Variants in COBLL1 observed in about 807,000 individuals in gnomAD.
The protein encoded by COBLL1 is cordon-bleu protein-like 1.
COBLL1 carries 50 observed loss-of-function variants against 94.8 expected under a neutral mutation model. The observed-to-expected ratio is 0.53, with a 90% CI of 0.42 to 0.67. The LOEUF (loss-of-function observed/expected upper bound fraction) is 0.67, where lower values mean the gene tolerates loss of function less well. Ranked by LOEUF, COBLL1 falls within the 30% of genes least tolerant of loss-of-function variation. The pLI, the probability that COBLL1 is intolerant of heterozygous loss-of-function variation, is 0.00. For missense variants in COBLL1, 1,362 were observed against 1,348.7 expected (o/e 1.01, Z -0.15); for synonymous variants, 448 against 473.8 (o/e 0.95, Z 0.71).
chr2:164,742,349 TTTTTC>T (rs1011539153), intron 3 of COBLL1, among the ~76,000 whole-genome samples: 26 of 152,092 alleles, frequency 1.7e-4, no homozygotes, highest in African/African-American at 5.8e-4. Context: ...GTTGACTTTT[TTTTTC>T]TTATTTTGAA....
chr2:164,672,428 G>T (rs1691255379), intron 1 of COBLL1, among the ~76,000 whole-genome samples: 1 of 152,146 alleles, frequency 6.6e-6, no homozygotes, highest in Admixed American at 6.5e-5. Flanking sequence ...GCCGGGCGCG[G>T]TGGCTCACGC....
At chr2:164,719,777 T>C (rs1185035314) in intron 7 of COBLL1, among the ~76,000 whole-genome samples, 1 of 152,114 alleles carries the variant, frequency 6.6e-6, no homozygotes, top group Non-Finnish European at 1.5e-5. Context: ...AGACATACCT[T>C]TTGCAAGGAA....
intron 3 of COBLL1, among the ~76,000 whole-genome samples, chr2:164,734,363 T>C (rs1256876917): frequency 6.6e-6 from 1 of 152,128 alleles, no homozygotes; most frequent in African/African-American, 2.4e-5. Flanking sequence ...CTCTAAGTGT[T>C]TAAAGAAAAA....
intron 2 of COBLL1, among the ~76,000 whole-genome samples, chr2:164,819,281 T>C (rs1685041651): frequency 6.6e-6 from 1 of 152,126 alleles, no homozygotes; most frequent in Non-Finnish European, 1.5e-5. Flanking sequence ...TCGTAAAGCA[T>C]CAATAACTTT....
chr2:164,830,614 C>A (rs1300246796), intron 2 of COBLL1, among the ~76,000 whole-genome samples: 1 of 152,106 alleles, frequency 6.6e-6, no homozygotes, highest in Non-Finnish European at 1.5e-5. Context: ...CTAGATTTCA[C>A]AAGAATACGA....
At chr2:164,735,867 A>G (rs754669060) in intron 3 of COBLL1, among the ~76,000 whole-genome samples, 1 of 152,210 alleles carries the variant, frequency 6.6e-6, no homozygotes, top group Non-Finnish European at 1.5e-5. Context: ...TGAGCAGTCC[A>G]TCTAAAACCT....
chr2:164,715,990 G>T (rs899740834), intron 7 of COBLL1, among the ~76,000 whole-genome samples: 1 of 152,242 alleles, frequency 6.6e-6, no homozygotes, highest in African/African-American at 2.4e-5. Flanking sequence ...TGAATTCTAT[G>T]GGTCAAGATT....
At position 164,680,972 on chromosome 2, in the gene COBLL1, A is replaced by T. The variant is rs534473161; in HGVS notation, c.*4974T>A. On this transcript the variant is annotated 3_prime_UTR_variant, in exon 14 of 14. Transcript: ENST00000652658. ...TTTTGCACTACGACTAAGAAAAAAA[A>T]TATTTAGAATTGCTTTTAACTGGTT... is the stretch of plus-strand genomic sequence containing the variant. 1 of 152,174 alleles carries T rather than the reference A, an allele frequency of 6.6e-6. No homozygotes were observed. The highest frequency in any genetic ancestry group is 2.4e-5 in the African/African-American group (1 of 41,438). The allele number at this position is 152,174 out of a possible 1,614,324, so 9.4% of individuals were successfully genotyped here. A position where few individuals can be genotyped will look rare whatever the true frequency, so the allele number is the denominator to read the frequency against.
intron 2 of COBLL1, among the ~76,000 whole-genome samples, chr2:164,781,568 T>C (rs542307697): frequency 1.2e-3 from 178 of 152,304 alleles, no homozygotes; most frequent in African/African-American, 4.0e-3. Context: ...TATGGATACT[T>C]TACAAGATAC....
chr2:164,801,913 C>T (rs1391617537), intron 2 of COBLL1, among the ~76,000 whole-genome samples: 2 of 152,172 alleles, frequency 1.3e-5, no homozygotes, highest in African/African-American at 2.4e-5. Flanking sequence ...GAAGCTCCTA[C>T]GGACAGAACC....
rs77122678 is a variant in COBLL1, at chr2:164,770,849, C to A, written c.42-26974G>T. On this transcript the variant is annotated intron_variant, in intron 2 of 13. Coordinates refer to ENST00000652658, the MANE Select transcript of COBLL1 (RefSeq NM_001365672.2). ...CCTTTGGATATCAAAGCCATTAAAA[C>A]AACTTTTATAGCACAAGAATTCTGG... Among the ~76,000 whole-genome samples the A allele has an allele frequency of 5.2e-3, 788 of 152,214 alleles. 12 individuals are homozygous for A. The highest frequency in any genetic ancestry group is 0.017 in the African/African-American group (727 of 41,556).
rs2105401121 is a variant in COBLL1 at position 164,683,787 on chromosome 2, C to T, written c.*2159G>A. On this transcript the variant is annotated 3_prime_UTR_variant, in exon 14 of 14. Coordinates refer to ENST00000652658, the MANE Select transcript of COBLL1 (RefSeq NM_001365672.2). ...CACTTGTTTTTGAGATGTATTCATG[C>T]TGACATATATAGCTCTAGCTTGTTC... The T allele has an allele frequency of 6.6e-6, 1 of 152,220 alleles. No homozygotes were observed. Among genetic ancestry groups the T allele is most frequent in the South Asian group, 2.1e-4 (1 of 4,822 alleles). The allele number at this position is 152,220 out of a possible 1,614,324, so 9.4% of individuals were successfully genotyped here. A position where few individuals can be genotyped will look rare whatever the true frequency, so the allele number is the denominator to read the frequency against.
chr2:164,834,064 G>A (rs1683210414), intron 2 of COBLL1, among the ~76,000 whole-genome samples: 1 of 151,894 alleles, frequency 6.6e-6, no homozygotes, highest in South Asian at 2.1e-4. Flanking sequence ...TAGCAGATGG[G>A]GGAAAAAATT....
intron 2 of COBLL1, chr2:164,773,838 CT>C: frequency 1.2e-6 from 1 of 834,396 alleles, no homozygotes; most frequent in Non-Finnish European, 1.6e-6. Context: ...CCAGGCACTT[CT>C]TACCTCTGGC....
At position 164,687,711 on chromosome 2, in the gene COBLL1, C is replaced by G. The variant is rs562757637; in HGVS notation, c.3301-1679G>C. 14 of 683,170 alleles carry G rather than the reference C, an allele frequency of 2.0e-5. No individual in the cohort carries two copies. The East Asian group carries it at 3.6e-4, about 18-fold the overall frequency. 42.3% of individuals were successfully genotyped at this position (683,170 alleles called of 1,614,324 possible). A position where few individuals can be genotyped will look rare whatever the true frequency, so the allele number is the denominator to read the frequency against. On this transcript the variant is annotated intron_variant, in intron 13 of 13. Transcript: ENST00000652658. ...GCTGCATACACCACCAAGGAAGCTG[C>G]TGTTTGCAGCCATTGCACACTGGGC...
intron 2 of COBLL1, chr2:164,779,671 T>G (rs1246262351): frequency 6.4e-6 from 3 of 470,766 alleles, no homozygotes; most frequent in Non-Finnish European, 1.3e-5. Context: ...GCAGGGATAT[T>G]CTCTCTGAGT....
intron 2 of COBLL1, among the ~76,000 whole-genome samples, chr2:164,840,115 G>A (rs1017321884): frequency 6.6e-6 from 1 of 152,080 alleles, no homozygotes; most frequent in African/African-American, 2.4e-5. Flanking sequence ...CATGTTCCAG[G>A]GAAAAATGAC....
intron 1 of COBLL1, among the ~76,000 whole-genome samples, chr2:164,667,983 C>T (rs1256485037): frequency 1.4e-5 from 2 of 138,596 alleles, no homozygotes; most frequent in African/African-American, 2.8e-5. Context: ...CTCACTCTAT[C>T]GCCCAGGCTG....
At chr2:164,667,946 CT>C (rs1170450391) in intron 1 of COBLL1, among the ~76,000 whole-genome samples, 487 of 132,798 alleles carry the variant, frequency 3.7e-3, no homozygotes, top group Middle Eastern at 4.5e-3. Flanking sequence ...TCTCGGCTTT[CT>C]TTTTTTTTTT....
Sources: allele counts gnomAD v4.1 joint callset (sites outside exome capture counted in the v4.1 genomes callset), GRCh38; gene constraint gnomAD v4.1.1; transcripts MANE v1.5; gene names NCBI Gene and HGNC (gene_info 2026-07-23, HGNC 2026-07-21).